The following TCF12 variants were observed in gnomAD, a reference collection of about 807,000 sequenced individuals.
TCF12 encodes transcription factor 12, also known as DNA-binding protein HTF4.
In TCF12, 45 loss-of-function variants were observed where a neutral mutation model predicts 86.0. That is an observed-to-expected ratio of 0.52 (90% CI 0.41 to 0.67). The LOEUF (loss-of-function observed/expected upper bound fraction) is 0.67. TCF12 is among the 30% of genes least tolerant of loss of function. The pLI, the probability that TCF12 is intolerant of heterozygous loss-of-function variation, is 0.00. For missense variants in TCF12, 881 were observed against 859.9 expected (o/e 1.02, Z -0.31); for synonymous variants, 330 against 299.6 (o/e 1.10, Z -1.05).
intron 3 of TCF12, among the ~76,000 whole-genome samples, chr15:57,002,466 C>T (rs934723799): frequency 2.0e-5 from 3 of 152,162 alleles, no homozygotes; most frequent in Non-Finnish European, 2.9e-5. Context: ...ACACATATAT[C>T]TTCATATTCA....
At chr15:57,219,288 G>C in intron 8 of TCF12, 1 of 1,207,264 alleles carries the variant, frequency 8.3e-7, no homozygotes, top group Non-Finnish European at 1.0e-6. Context: ...TTGTCTTATT[G>C]GTATCCTCCA....
chr15:57,022,046 T>TC (rs1440138134), intron 3 of TCF12, among the ~76,000 whole-genome samples: 1 of 150,220 alleles, frequency 6.7e-6, no homozygotes, highest in African/African-American at 2.5e-5. Context: ...GCAGATCTTT[T>TC]CTTTTTTTTA....
Position 57,162,679 on chromosome 15 carries a change from A to G in TCF12, c.326-3723A>G, listed in dbSNP as rs955594046. ...AAGGATAAGGAATTTTAATAAGCAC[A>G]GGAAAGTAAGTTTAAAACTTTAGGT... On this transcript the variant is annotated intron_variant, in intron 5 of 20. Coordinates refer to ENST00000333725, the MANE Select transcript of TCF12 (RefSeq NM_207037.2). 3.3e-5 allele frequency among the ~76,000 whole-genome samples: 5 copies of G among 152,374 alleles called. No individual in the cohort carries two copies. In the East Asian group the frequency reaches 9.6e-4, roughly 29 times the overall value.
At chr15:57,247,529 A>G (rs2059919266) in intron 13 of TCF12, 2 of 896,710 alleles carry the variant, frequency 2.2e-6, no homozygotes, top group South Asian at 2.6e-5. Context: ...ATGATCATCA[A>G]AAGTTATAAA....
intron 8 of TCF12, among the ~76,000 whole-genome samples, chr15:57,206,385 C>T (rs191969557): frequency 6.6e-6 from 1 of 152,116 alleles, no homozygotes; most frequent in African/African-American, 2.4e-5. Flanking sequence ...CCTGTACTGA[C>T]AGACACTTTA....
rs138131882 is a variant in TCF12, at chr15:56,981,078, A to G, written c.148+59980A>G. Among the ~76,000 whole-genome samples the G allele has an allele frequency of 1.3e-3, 191 of 152,352 alleles. 1 individual carries two copies. The highest frequency in any genetic ancestry group is 4.3e-3 in the African/African-American group (179 of 41,580). ...GACTAATGATGATTTATCTAACAAC[A>G]TGAACTTGTAATAGTCATGTGGGGG... On this transcript the variant is annotated intron_variant, in intron 3 of 20. Transcript: ENST00000333725.
At chr15:56,996,095 T>A (rs2063698936) in intron 3 of TCF12, among the ~76,000 whole-genome samples, 1 of 152,204 alleles carries the variant, frequency 6.6e-6, no homozygotes, top group African/African-American at 2.4e-5. Context: ...ATTTATTGAT[T>A]TGTGTATGTT....
At chr15:57,223,411 C>G (rs148056773) in intron 8 of TCF12, among the ~76,000 whole-genome samples, 1 of 151,868 alleles carries the variant, frequency 6.6e-6, no homozygotes, top group Non-Finnish European at 1.5e-5. Flanking sequence ...GGAAAGAAAA[C>G]GTAACTGGGA....
At chr15:57,173,894 G>A (rs1406330285) in intron 6 of TCF12, among the ~76,000 whole-genome samples, 1 of 151,910 alleles carries the variant, frequency 6.6e-6, no homozygotes, top group East Asian at 1.9e-4. Flanking sequence ...TTTTAGTAGA[G>A]ATGGGGTTTC....
chr15:56,982,685 T>G (rs943210846), intron 3 of TCF12, among the ~76,000 whole-genome samples: 3 of 152,232 alleles, frequency 2.0e-5, no homozygotes, highest in South Asian at 2.1e-4. Flanking sequence ...GGAGGAAGAA[T>G]GCGTTCTCTG....
Position 56,919,870 on chromosome 15 carries a change from G to T in TCF12, c.-22-22G>T, listed in dbSNP as rs377607197. On this transcript the variant is annotated intron_variant, in intron 1 of 20. Transcript: ENST00000333725. ...CTTTGGGCCTCGGTGGTCTCTCGCT[G>T]AGCCCGTTTCCTCTGCCCTAGGACC... 3.7e-6 allele frequency: 6 copies of T among 1,609,096 alleles called. No individual in the cohort carries two copies. The African/African-American group carries it at 4.0e-5, about 11-fold the overall frequency.
At chr15:57,031,481 G>T (rs1432556169) in intron 3 of TCF12, among the ~76,000 whole-genome samples, 1 of 152,130 alleles carries the variant, frequency 6.6e-6, no homozygotes, top group African/African-American at 2.4e-5. Flanking sequence ...CTATAACTCA[G>T]AATTTAGACA....
chr15:57,056,154 T>TGTG (rs1567332495), intron 3 of TCF12, among the ~76,000 whole-genome samples: 1 of 146,698 alleles, frequency 6.8e-6, no homozygotes, highest in Non-Finnish European at 1.5e-5. Flanking sequence ...TGTGTGTGTG[T>TGTG]TTTGAGACAG....
At chr15:57,215,387 C>T (rs941518605) in intron 8 of TCF12, among the ~76,000 whole-genome samples, 1 of 152,104 alleles carries the variant, frequency 6.6e-6, no homozygotes, top group Non-Finnish European at 1.5e-5. Flanking sequence ...CCCTACCTCC[C>T]TTGCAGCCAA....
At chr15:57,074,833 C>T (rs1482040163) in intron 4 of TCF12, among the ~76,000 whole-genome samples, 1 of 152,128 alleles carries the variant, frequency 6.6e-6, no homozygotes, top group African/African-American at 2.4e-5. Flanking sequence ...ATTTCAGTTC[C>T]TCAAATCTGT....
intron 3 of TCF12, among the ~76,000 whole-genome samples, chr15:56,997,190 ACT>A (rs2063762553): frequency 6.6e-6 from 1 of 152,084 alleles, no homozygotes. Flanking sequence ...CCATTCTAAC[ACT>A]CTTCACAAGA....
chr15:57,007,851 T>C (rs2064532053), intron 3 of TCF12, among the ~76,000 whole-genome samples: 1 of 74,920 alleles, frequency 1.3e-5, no homozygotes, highest in African/African-American at 4.8e-5. Flanking sequence ...TCTCTTTCCC[T>C]CCCTTCCTTC....
intron 3 of TCF12, among the ~76,000 whole-genome samples, chr15:57,047,651 T>A (rs2067320828): frequency 6.6e-6 from 1 of 152,226 alleles, no homozygotes; most frequent in Admixed American, 6.5e-5. Context: ...AGAGAAAATA[T>A]TTTTGAAAAT....
At chr15:57,263,422 A>G (rs1208308635) in intron 18 of TCF12, 148 bp downstream of exon 18, 1 of 767,136 alleles carries the variant, frequency 1.3e-6, no homozygotes, top group Non-Finnish European at 2.0e-6. Context: ...TTTAATCACC[A>G]CATCATCTCT....
Sources: gnomAD v4.1 joint callset for allele counts (sites outside exome capture counted in the v4.1 genomes callset) on GRCh38, gnomAD v4.1.1 for gene constraint, MANE v1.5 for transcripts, NCBI Gene and HGNC (gene_info 2026-07-23, HGNC 2026-07-21) for gene names.